Variants in DMD observed in about 807,000 individuals in gnomAD.
DMD encodes mutant dystrophin.
DMD carries 63 observed loss-of-function variants against 330.1 expected under a neutral mutation model. The observed-to-expected ratio is 0.19, with a 90% CI of 0.16 to 0.24. The LOEUF (loss-of-function observed/expected upper bound fraction) is 0.24, where lower values mean the gene tolerates loss of function less well. DMD is among the 10% of genes least tolerant of loss of function. The pLI is 1.00. For missense variants in DMD, 3,344 were observed against 2,684.1 expected, an observed-to-expected ratio of 1.25 and a Z score of -5.43; for synonymous variants, 1,223 against 959.8, an observed-to-expected ratio of 1.27 and a Z score of -5.07.
chrX:32,045,793 T>G (rs1009416913), intron 44 of DMD, among the ~76,000 whole-genome samples: 2 of 112,335 alleles, frequency 1.8e-5, no homozygotes, highest in African/African-American at 6.5e-5. Context: ...TAATACACTT[T>G]CCCTTAGTTA....
intron 1 of DMD, among the ~76,000 whole-genome samples, chrX:33,163,853 G>A (rs920199621): frequency 9.1e-6 from 1 of 109,821 alleles, no homozygotes; most frequent in Non-Finnish European, 1.9e-5. Flanking sequence ...AGTTGTTGTC[G>A]ACTCCTCATG....
intron 47 of DMD, among the ~76,000 whole-genome samples, chrX:31,877,667 TTGTG>T (rs10670657): frequency 0.025 from 2,523 of 102,328 alleles, 77 homozygotes; most frequent in African/African-American, 0.084. Context: ...TGCTGAACTC[TTGTG>T]TGTGTGTGTG....
chrX:32,466,068 G>GT lies in DMD; in HGVS notation c.3163-1370dup, dbSNP rs199850675. The stretch of plus-strand genomic sequence containing the variant: ...TTATTTCCCTCTTTAACCAATAGCA[G>GT]TTTTTTCTTATTAAGTTTTTATTGT... On this transcript the variant is annotated intron_variant, in intron 23 of 78. Transcript: ENST00000357033. Among the ~76,000 whole-genome samples the GT allele has an allele frequency of 7.5e-3, 832 of 111,074 alleles. 10 individuals carry two copies. The highest frequency in any genetic ancestry group is 0.026 in the African/African-American group (792 of 30,567).
At chrX:32,231,373 G>C (rs1168064962) in intron 43 of DMD, among the ~76,000 whole-genome samples, 1 of 111,685 alleles carries the variant, frequency 9.0e-6, no homozygotes, top group Non-Finnish European at 1.9e-5. Context: ...AAATAGAAAG[G>C]TATGACATTT....
chrX:32,379,592 T>C (rs913726055), intron 34 of DMD, among the ~76,000 whole-genome samples: 1 of 111,731 alleles, frequency 9.0e-6, no homozygotes, highest in Admixed American at 9.6e-5. Flanking sequence ...TACTATTTAT[T>C]TGGAAATATT....
chrX:32,680,341 A>T (rs1350823394), intron 9 of DMD, among the ~76,000 whole-genome samples: 1 of 111,776 alleles, frequency 8.9e-6, no homozygotes, highest in Non-Finnish European at 1.9e-5. Flanking sequence ...AAATACAATC[A>T]AAATACTGAC....
intron 2 of DMD, among the ~76,000 whole-genome samples, chrX:32,986,444 GTCA>G (rs969626549): frequency 8.9e-6 from 1 of 111,852 alleles, no homozygotes; most frequent in African/African-American, 3.2e-5. Flanking sequence ...AAAAAATTAT[GTCA>G]TCATTTTAAA....
At chrX:32,549,304 T>A (rs2049287773) in intron 16 of DMD, among the ~76,000 whole-genome samples, 1 of 111,563 alleles carries the variant, frequency 9.0e-6, no homozygotes, top group South Asian at 3.7e-4. Flanking sequence ...GTAACACATT[T>A]CTTCACAGGT....
At chrX:32,945,018 A>G (rs2090703445) in intron 2 of DMD, among the ~76,000 whole-genome samples, 1 of 111,527 alleles carries the variant, frequency 9.0e-6, no homozygotes, top group Non-Finnish European at 1.9e-5. Context: ...TAAACTTTAG[A>G]GTAATTCTTG....
At chrX:32,614,968 C>A (rs1268642518) in intron 11 of DMD, among the ~76,000 whole-genome samples, 2 of 110,609 alleles carry the variant, frequency 1.8e-5, no homozygotes, top group African/African-American at 6.6e-5. Context: ...TGTATTTCTT[C>A]CTCTCTTGAA....
intron 43 of DMD, among the ~76,000 whole-genome samples, chrX:32,265,494 G>C (rs958355505): frequency 2.7e-5 from 3 of 112,308 alleles, no homozygotes; most frequent in African/African-American, 9.7e-5. Context: ...CCCCCACATA[G>C]AGTCCCCACT....
In DMD at chrX:32,863,509, C is replaced by CAAAAAAAAAAA. The variant is rs544421635; in HGVS notation, c.94-13700_94-13690dup. The stretch of plus-strand genomic sequence containing the variant: ...TGGGTGGCAGAGTGAGACTCCGTCT[C>CAAAAAAAAAAA]AAAAAAAAAAAAAAAAGATTGTGTT... On this transcript the variant is annotated intron_variant, in intron 2 of 78. Transcript: ENST00000357033. Among the ~76,000 whole-genome samples, 15 of 49,058 alleles carry CAAAAAAAAAAA rather than the reference C, an allele frequency of 3.1e-4. 3 individuals carry two copies. Among genetic ancestry groups the CAAAAAAAAAAA allele is most frequent in the African/African-American group, 1.9e-3 (15 of 7,809 alleles). 42.6% of individuals were successfully genotyped at this position (49,058 alleles called of 115,157 possible).
intron 1 of DMD, among the ~76,000 whole-genome samples, chrX:33,258,023 C>T (rs1333787660): frequency 9.0e-6 from 1 of 111,284 alleles, no homozygotes; most frequent in Non-Finnish European, 1.9e-5. Flanking sequence ...CCAAAAAAGT[C>T]TGAGGAAAAA....
At chrX:32,818,323 C>T (rs1344567503) in intron 5 of DMD, among the ~76,000 whole-genome samples, 1 of 111,814 alleles carries the variant, frequency 8.9e-6, no homozygotes, top group African/African-American at 3.3e-5. Context: ...ACTAATTCAG[C>T]TTATCAGCCT....
At position 31,845,276 on chromosome X, in the gene DMD, G is replaced by A. The variant is rs963123096; in HGVS notation, c.7099-8457C>T. 2.7e-5 allele frequency among the ~76,000 whole-genome samples: 3 copies of A among 110,163 alleles called. No homozygotes were observed. The South Asian group carries it at 1.2e-3, about 42-fold the overall frequency. On this transcript the variant is annotated intron_variant, in intron 48 of 78. Transcript: ENST00000357033. Reference sequence around the variant, plus strand: ...AAAGCAAGTTCCATTGCCAAAAGGCGGTGAGGAGTTTTGCTTGTATAAGGA... The same window carrying A: ...AAAGCAAGTTCCATTGCCAAAAGGCAGTGAGGAGTTTTGCTTGTATAAGGA...
chrX:33,133,981 A>G (rs1003291336), intron 1 of DMD, among the ~76,000 whole-genome samples: 3 of 112,137 alleles, frequency 2.7e-5, no homozygotes, highest in Non-Finnish European at 5.6e-5. Flanking sequence ...ATGAAAATCT[A>G]TCTGGTTGGT....
chrX:33,255,698 C>G (rs1005401042), intron 1 of DMD, among the ~76,000 whole-genome samples: 2 of 111,219 alleles, frequency 1.8e-5, no homozygotes, highest in African/African-American at 6.5e-5. Context: ...CAAAAGAATT[C>G]CACATCTAAA....
At chrX:33,111,116 A>T (rs2095336239) in intron 1 of DMD, among the ~76,000 whole-genome samples, 1 of 111,035 alleles carries the variant, frequency 9.0e-6, no homozygotes, top group African/African-American at 3.3e-5. Context: ...ATAGGCAACC[A>T]TGAAGTTGAC....
chrX:31,483,251 T>C (rs1434931523), intron 57 of DMD, among the ~76,000 whole-genome samples: 8 of 108,788 alleles, frequency 7.4e-5, no homozygotes, highest in Non-Finnish European at 1.1e-4. Flanking sequence ...TTTCACCGTG[T>C]TAGCCAGGAT....
Sources: allele counts gnomAD v4.1 joint callset (sites outside exome capture counted in the v4.1 genomes callset), GRCh38; gene constraint gnomAD v4.1.1; transcripts MANE v1.5; gene names NCBI Gene and HGNC (gene_info 2026-07-23, HGNC 2026-07-21).